C10orf88: variants seen among roughly 807,000 people sequenced by gnomAD.
The protein encoded by C10orf88 is chromosome 10 open reading frame 88.
C10orf88 carries 29 observed loss-of-function variants against 34.2 expected under a neutral mutation model. That is an observed-to-expected ratio of 0.85 (90% CI 0.63 to 1.16). The LOEUF (loss-of-function observed/expected upper bound fraction) is 1.16, where lower values mean the gene tolerates loss of function less well. Among genes scored for constraint, C10orf88 ranks in the 50% most tolerant of loss-of-function variants. C10orf88 has a pLI of 0.00. For synonymous variants in C10orf88, 194 were observed against 197.4 expected (o/e 0.98, Z 0.15); for missense variants, 507 against 533.2 (o/e 0.95, Z 0.48).
chr10:122,950,037 T>C (rs1442008309), intron 3 of C10orf88, among the ~76,000 whole-genome samples: 4 of 152,216 alleles, frequency 2.6e-5, no homozygotes, highest in Non-Finnish European at 5.9e-5. Context: ...ATCCTGTCCA[T>C]ATTTCTGAAA....
intron 3 of C10orf88, among the ~76,000 whole-genome samples, chr10:122,949,779 C>A (rs967573561): frequency 1.3e-5 from 2 of 152,148 alleles, no homozygotes; most frequent in Non-Finnish European, 2.9e-5. Flanking sequence ...CAACTTGCTA[C>A]TTAACACAAA....
rs142159431 is a variant in C10orf88, at chr10:122,954,071, G to C, written c.108C>G (p.Ala36=). The change falls in exon 1 of 6, where the codon GCC becomes GCG. Residue 36 remains alanine, a synonymous_variant. Coordinates refer to ENST00000481909, the MANE Select transcript of C10orf88 (RefSeq NM_024942.4). ...ALTHSLLLTR[A]GLGPGDFDWE... ...AGTCGAAGTCACCGGGGCCGAGACCGGCCCGGGTGAGGAGGAGGCTGTGGG... is the reference window on the plus strand; with the variant it reads ...AGTCGAAGTCACCGGGGCCGAGACCCGCCCGGGTGAGGAGGAGGCTGTGGG... 2.7e-4 allele frequency: 419 copies of C among 1,556,054 alleles called. No individual in the cohort carries two copies. The African/African-American group carries it at 5.2e-3, about 19-fold the overall frequency.
chr10:122,953,960 T>C (rs1341534387), intron 1 of C10orf88, 55 bp downstream of exon 1: 3 of 1,458,734 alleles, frequency 2.1e-6, no homozygotes, highest in Admixed American at 2.5e-5. Context: ...ACAGCTCCCC[T>C]AGAAGCGCGG....
At chr10:122,945,224 A>G (rs1848628600) in intron 4 of C10orf88, among the ~76,000 whole-genome samples, 1 of 152,140 alleles carries the variant, frequency 6.6e-6, no homozygotes, top group South Asian at 2.1e-4. Flanking sequence ...TCATAGTAAC[A>G]CATTACTCAC....
chr10:122,954,080 G>A lies in C10orf88; in HGVS notation c.99C>T (p.Leu33=), dbSNP rs1391847960. ...AGGALTHSLL[L]TRAGLGPGDF... ...CACCGGGGCCGAGACCGGCCCGGGT[G>A]AGGAGGAGGCTGTGGGTCAGGGCCC... The change falls in exon 1 of 6, where the codon CTC becomes CTT. Residue 33 remains leucine, a synonymous_variant. Coordinates refer to ENST00000481909, the MANE Select transcript of C10orf88 (RefSeq NM_024942.4). 7 of 1,567,478 alleles carry A rather than the reference G, an allele frequency of 4.5e-6. No homozygotes were observed. Among genetic ancestry groups the A allele is most frequent in the South Asian group, 1.2e-5 (1 of 86,034 alleles).
intron 4 of C10orf88, among the ~76,000 whole-genome samples, chr10:122,946,445 G>A (rs375036833): frequency 2.0e-5 from 3 of 152,092 alleles, no homozygotes; most frequent in Admixed American, 6.5e-5. Context: ...ACCTAGGTAC[G>A]TAGTAGGCTA....
intron 3 of C10orf88, among the ~76,000 whole-genome samples, chr10:122,950,500 A>T (rs926664438): frequency 7.2e-5 from 11 of 152,222 alleles, no homozygotes; most frequent in Admixed American, 7.2e-4. Context: ...ATGATCCAAG[A>T]ACTCTTAAGT....
At chr10:122,948,077 GTTTATGATC>G (rs914790869) in intron 4 of C10orf88, among the ~76,000 whole-genome samples, 2 of 152,162 alleles carry the variant, frequency 1.3e-5, no homozygotes, top group Non-Finnish European at 2.9e-5. Flanking sequence ...ATCCCAAGCT[GTTTATGATC>G]TAGCTGAAAT....
At chr10:122,933,893 C>T (rs1564719290) in intron 5 of C10orf88, among the ~76,000 whole-genome samples, 1 of 151,906 alleles carries the variant, frequency 6.6e-6, no homozygotes, top group African/African-American at 2.4e-5. Flanking sequence ...GAAAATCTGG[C>T]TTTTTTTCAT....
At chr10:122,941,054 AT>A (rs957856855) in intron 4 of C10orf88, among the ~76,000 whole-genome samples, 3 of 151,952 alleles carry the variant, frequency 2.0e-5, no homozygotes, top group African/African-American at 7.2e-5. Flanking sequence ...TTGCTTTTTA[AT>A]TTTTTTGTAT....
Position 122,937,434 on chromosome 10 carries a change from T to C in C10orf88, c.1103+271A>G, listed in dbSNP as rs182356513. On this transcript the variant is annotated intron_variant, in intron 5 of 5. Transcript: ENST00000481909. ...GCTCCTTTCCATTCATGCAAATCAC[T>C]TTCTATTCCAACTGTGAACTAATAC... 3.3e-5 allele frequency among the ~76,000 whole-genome samples: 5 copies of C among 152,118 alleles called. 1 individual carries two copies. The highest frequency in any genetic ancestry group is 7.4e-5 in the Non-Finnish European group (5 of 67,918).
At chr10:122,945,995 C>T (rs997462069) in intron 4 of C10orf88, among the ~76,000 whole-genome samples, 2 of 151,902 alleles carry the variant, frequency 1.3e-5, no homozygotes, top group African/African-American at 4.8e-5. Flanking sequence ...ACTCAGGGGC[C>T]TGAGGTAGGA....
At position 122,954,207 on chromosome 10, in the gene C10orf88, C is replaced by T; in HGVS notation, c.-29G>A. 3 of 1,511,970 alleles carry T rather than the reference C, an allele frequency of 2.0e-6. No individual in the cohort carries two copies. Among genetic ancestry groups the T allele is most frequent in the Non-Finnish European group, 2.6e-6 (3 of 1,140,664 alleles). 93.7% of individuals were successfully genotyped at this position (1,511,970 alleles called of 1,614,324 possible). On this transcript the variant is annotated 5_prime_UTR_variant, in exon 1 of 6. Transcript: ENST00000481909. ...GCCGCCTTCAGTCAGGCCAGCCCAG[C>T]CCCGGAACCTCTCTTCCAGTGCTTG...
chr10:122,944,684 C>T (rs1848621560), intron 4 of C10orf88, among the ~76,000 whole-genome samples: 1 of 152,066 alleles, frequency 6.6e-6, no homozygotes, highest in Admixed American at 6.6e-5. Flanking sequence ...AGGATTCTGA[C>T]ACAGGTGTTC....
chr10:122,935,782 G>C (rs1848529193), intron 5 of C10orf88, among the ~76,000 whole-genome samples: 1 of 151,264 alleles, frequency 6.6e-6, no homozygotes, highest in Non-Finnish European at 1.5e-5. Flanking sequence ...AGTTTTTAGG[G>C]CTTTTCTTTT....
chr10:122,942,032 G>A (rs973003914), intron 4 of C10orf88, among the ~76,000 whole-genome samples: 9 of 151,926 alleles, frequency 5.9e-5, no homozygotes, highest in African/African-American at 1.9e-4. Flanking sequence ...AAAATTCATG[G>A]CAAAGAAAAA....
intron 5 of C10orf88, among the ~76,000 whole-genome samples, chr10:122,935,279 G>A (rs750071764): frequency 1.2e-4 from 18 of 151,906 alleles, no homozygotes; most frequent in Non-Finnish European, 2.2e-4. Context: ...AAGCTTTATA[G>A]TTTTATATTT....
In C10orf88 at chr10:122,932,761, C is replaced by T. The variant is rs973045920; in HGVS notation, c.1104-100G>A. The T allele has an allele frequency of 1.7e-5, 13 of 784,416 alleles. No individual in the cohort carries two copies. The African/African-American group carries it at 1.7e-4, about 11-fold the overall frequency. The allele number at this position is 784,416 out of a possible 1,614,324, so 48.6% of individuals were successfully genotyped here. ...AACATATATTGCTGAGATTTGTCTC[C>T]ACAACTGTGCTCTGTCTTCTTACAA... On this transcript the variant is annotated intron_variant, in intron 5 of 5. Coordinates refer to ENST00000481909, the MANE Select transcript of C10orf88 (RefSeq NM_024942.4).
At chr10:122,933,157 A>G (rs1215398829) in intron 5 of C10orf88, among the ~76,000 whole-genome samples, 1 of 152,176 alleles carries the variant, frequency 6.6e-6, no homozygotes, top group African/African-American at 2.4e-5. Context: ...AAAGCACACC[A>G]ATTTCTAACG....
Sources: gnomAD v4.1 joint callset for allele counts (sites outside exome capture counted in the v4.1 genomes callset) on GRCh38, gnomAD v4.1.1 for gene constraint, MANE v1.5 for transcripts, NCBI Gene and HGNC (gene_info 2026-07-23, HGNC 2026-07-21) for gene names.